Variants in FAM81A observed in about 807,000 individuals in gnomAD.
The protein encoded by FAM81A is protein FAM81A.
A neutral mutation model predicts 46.7 loss-of-function variants in FAM81A; 19 were observed. The observed-to-expected ratio is 0.41, with a 90% CI of 0.28 to 0.60. The LOEUF is 0.60. Among genes scored for constraint, FAM81A ranks in the 20% least tolerant of loss-of-function variants. The pLI, the probability that FAM81A is intolerant of heterozygous loss-of-function variation, is 0.34. For synonymous variants in FAM81A, 183 were observed against 152.9 expected (o/e 1.20, Z -1.45); for missense variants, 377 against 453.5 (o/e 0.83, Z 1.53).
rs1485263851 is a variant in FAM81A at position 59,521,193 on chromosome 15, G to A, written c.983-61G>A. On this transcript the variant is annotated intron_variant, in intron 8 of 8. Coordinates refer to ENST00000288228, the MANE Select transcript of FAM81A (RefSeq NM_152450.3). ...GAATCAACCATTACTAGATACTATA[G>A]AATTTGATACAGCATTTTAAAAAAA... is the stretch of plus-strand genomic sequence containing the variant. The A allele has an allele frequency of 5.8e-6, 9 of 1,562,608 alleles. No homozygotes were observed. The African/African-American group carries it at 1.2e-4, about 22-fold the overall frequency.
chr15:59,503,318 G>T (rs1567073197), intron 4 of FAM81A, among the ~76,000 whole-genome samples: 1 of 145,756 alleles, frequency 6.9e-6, no homozygotes, highest in Admixed American at 6.9e-5. Flanking sequence ...ACAGTCTGTT[G>T]TCTGTCCTTT....
chr15:59,517,889 G>A (rs750406862), intron 8 of FAM81A, among the ~76,000 whole-genome samples: 5 of 151,826 alleles, frequency 3.3e-5, no homozygotes, highest in African/African-American at 1.2e-4. Flanking sequence ...TTAATATTTA[G>A]CACCTAATAT....
intron 3 of FAM81A, among the ~76,000 whole-genome samples, chr15:59,473,477 G>A (rs1178567195): frequency 2.6e-5 from 4 of 152,182 alleles, no homozygotes; most frequent in African/African-American, 7.2e-5. Context: ...GTCTTGGAAC[G>A]TGTCCCCTGC....
chr15:59,455,451 G>A (rs2081472086), intron 1 of FAM81A, among the ~76,000 whole-genome samples: 1 of 152,170 alleles, frequency 6.6e-6, no homozygotes, highest in Non-Finnish European at 1.5e-5. Flanking sequence ...AGGTAAGCCA[G>A]AATTAACAAC....
chr15:59,496,662 C>G (rs1441780290), intron 4 of FAM81A, among the ~76,000 whole-genome samples: 3 of 152,072 alleles, frequency 2.0e-5, no homozygotes, highest in Non-Finnish European at 4.4e-5. Context: ...TTTGTAGACT[C>G]TCAATTCTAT....
intron 3 of FAM81A, among the ~76,000 whole-genome samples, chr15:59,480,988 T>G (rs1249604470): frequency 2.0e-5 from 3 of 152,166 alleles, no homozygotes; most frequent in African/African-American, 7.2e-5. Context: ...CACTTCTTTC[T>G]TAAATTTTTA....
chr15:59,472,281 T>C (rs1180703846), intron 3 of FAM81A, among the ~76,000 whole-genome samples: 1 of 152,082 alleles, frequency 6.6e-6, no homozygotes, highest in South Asian at 2.1e-4. Context: ...GTTGCTGCAG[T>C]GAGCCGTAGT....
intron 3 of FAM81A, among the ~76,000 whole-genome samples, chr15:59,480,755 C>T (rs371301558): frequency 1.2e-4 from 18 of 152,070 alleles, no homozygotes; most frequent in Admixed American, 3.3e-4. Context: ...CCATATATAA[C>T]GATATAATCT....
At chr15:59,454,990 G>A (rs1169720741) in intron 1 of FAM81A, among the ~76,000 whole-genome samples, 1 of 150,892 alleles carries the variant, frequency 6.6e-6, no homozygotes, top group Non-Finnish European at 1.5e-5. Context: ...TGCCCAGGCT[G>A]GTCCCAAACT....
intron 2 of FAM81A, among the ~76,000 whole-genome samples, chr15:59,432,292 C>A (rs1322386442): frequency 2.0e-5 from 3 of 152,216 alleles, no homozygotes; most frequent in Non-Finnish European, 1.5e-5. Flanking sequence ...AATCTTCACT[C>A]CTTTGCTAGT....
intron 1 of FAM81A, among the ~76,000 whole-genome samples, chr15:59,440,774 C>T (rs537380929): frequency 5.3e-4 from 81 of 152,322 alleles, no homozygotes; most frequent in African/African-American, 1.9e-3. Flanking sequence ...GACTCTGTTT[C>T]TCCACTTGGG....
intron 4 of FAM81A, among the ~76,000 whole-genome samples, chr15:59,502,589 C>T (rs1019852697): frequency 2.6e-5 from 4 of 151,946 alleles, no homozygotes; most frequent in Admixed American, 6.6e-5. Context: ...TCTCGGCTCA[C>T]TGCAATCTCT....
At chr15:59,494,941 C>G (rs1272494858) in intron 4 of FAM81A, among the ~76,000 whole-genome samples, 2 of 152,248 alleles carry the variant, frequency 1.3e-5, no homozygotes, top group East Asian at 1.9e-4. Context: ...ACACATTTAG[C>G]TCATGTGGCA....
At chr15:59,427,264 C>G (rs770618349) in intron 2 of FAM81A, among the ~76,000 whole-genome samples, 10 of 152,108 alleles carry the variant, frequency 6.6e-5, no homozygotes, top group Non-Finnish European at 1.5e-4. Flanking sequence ...GTGCATGCCA[C>G]CAAGCCCAGC....
At position 59,460,680 on chromosome 15, in the gene FAM81A, T is replaced by C. The variant is rs1045043122; in HGVS notation, c.294+474T>C. On this transcript the variant is annotated intron_variant, in intron 3 of 8. Transcript: ENST00000288228. This position sits in a 1 kb window ranked among gnomAD's most constrained non-coding sequence, Gnocchi z 4.4. ...TTGCTCCTCAGACTCCCCTTTTTAC[T>C]GCTGTAGTTTTCTTTGAAATGAGAC... 26 of 207,082 alleles carry C rather than the reference T, an allele frequency of 1.3e-4. No individual in the cohort carries two copies. Among genetic ancestry groups the C allele is most frequent in the African/African-American group, 5.6e-4 (24 of 42,560 alleles). 12.8% of individuals were successfully genotyped at this position (207,082 alleles called of 1,614,324 possible). A position where few individuals can be genotyped will look rare whatever the true frequency, so the allele number is the denominator to read the frequency against.
intron 1 of FAM81A, among the ~76,000 whole-genome samples, chr15:59,447,380 A>G (rs1203591304): frequency 6.6e-6 from 1 of 152,232 alleles, no homozygotes; most frequent in Non-Finnish European, 1.5e-5. Context: ...TCACAACCAT[A>G]ATGCCATGTG....
intron 3 of FAM81A, among the ~76,000 whole-genome samples, chr15:59,480,199 T>C (rs1486283571): frequency 6.6e-6 from 1 of 152,244 alleles, no homozygotes; most frequent in East Asian, 1.9e-4. Context: ...TAAAAAGCCC[T>C]GTAGGGGAAT....
intron 4 of FAM81A, among the ~76,000 whole-genome samples, chr15:59,506,218 G>T (rs575941725): frequency 9.2e-5 from 14 of 151,952 alleles, no homozygotes; most frequent in Non-Finnish European, 1.8e-4. Context: ...TTGCTATGTT[G>T]CCCAGGCTGG....
chr15:59,460,389 T>G lies in FAM81A; in HGVS notation c.294+183T>G. 8.9e-6 allele frequency: 7 copies of G among 784,184 alleles called. No homozygotes were observed. The highest frequency in any genetic ancestry group is 2.6e-5 in the East Asian group (1 of 37,930). 48.6% of individuals were successfully genotyped at this position (784,184 alleles called of 1,614,324 possible). A position where few individuals can be genotyped will look rare whatever the true frequency, so the allele number is the denominator to read the frequency against. On this transcript the variant is annotated intron_variant, in intron 3 of 8. Coordinates refer to ENST00000288228, the MANE Select transcript of FAM81A (RefSeq NM_152450.3). This position sits in a 1 kb window ranked among gnomAD's most constrained non-coding sequence, Gnocchi z 4.4. ...TGCAGAAATATCCTAATTAAATTTA[T>G]TCCAGTGTTTGATAACAGTTACTGT...
Sources: allele counts gnomAD v4.1 joint callset (sites outside exome capture counted in the v4.1 genomes callset), GRCh38; gene constraint gnomAD v4.1.1; non-coding constraint Gnocchi (gnomAD v3.1); transcripts MANE v1.5; gene names NCBI Gene and HGNC (gene_info 2026-07-23, HGNC 2026-07-21).